The following DCC variants were observed in gnomAD, a reference collection of about 807,000 sequenced individuals.
The protein encoded by DCC is DCC netrin 1 receptor.
DCC carries 58 observed loss-of-function variants against 172.5 expected under a neutral mutation model. The observed-to-expected ratio is 0.34, with a 90% CI of 0.27 to 0.42. The LOEUF (loss-of-function observed/expected upper bound fraction) is 0.42, where lower values mean the gene tolerates loss of function less well. DCC is among the 10% of genes least tolerant of loss of function. The pLI, the probability that DCC is intolerant of heterozygous loss-of-function variation, is 1.00. For synonymous variants in DCC, 709 were observed against 644.5 expected (o/e 1.10, Z -1.52); for missense variants, 1,740 against 1,791.0 (o/e 0.97, Z 0.51).
At chr18:53,267,098 ACACTCT>A (rs2056684206) in intron 12 of DCC, among the ~76,000 whole-genome samples, 1 of 146,340 alleles carries the variant, frequency 6.8e-6, no homozygotes, top group Non-Finnish European at 1.5e-5. Context: ...ACACACACAC[ACACTCT>A]CTCTCTCACA....
At chr18:53,201,985 A>T (rs1253812432) in intron 9 of DCC, among the ~76,000 whole-genome samples, 1 of 152,190 alleles carries the variant, frequency 6.6e-6, no homozygotes, top group East Asian at 1.9e-4. Context: ...GTCATGAAAC[A>T]TATGTACTGT....
chr18:52,440,108 C>T (rs1987928758), intron 1 of DCC, among the ~76,000 whole-genome samples: 1 of 152,076 alleles, frequency 6.6e-6, no homozygotes, highest in Non-Finnish European at 1.5e-5. Context: ...TTGCTCTTTC[C>T]CATGTGCTGT....
chr18:53,407,528 G>GATATATAT (rs74180422), intron 19 of DCC, among the ~76,000 whole-genome samples: 11,361 of 116,940 alleles, frequency 0.097, 765 homozygotes, highest in East Asian at 0.26. Flanking sequence ...TTTTATTCTG[G>GATATATAT]ATATATATAT....
chr18:53,197,758 T>G (rs184891723), intron 9 of DCC, among the ~76,000 whole-genome samples: 6 of 152,190 alleles, frequency 3.9e-5, no homozygotes, highest in African/African-American at 1.4e-4. Context: ...AAAATCATAA[T>G]TTAGGTTTTG....
At chr18:53,473,359 C>T (rs1048797055) in intron 25 of DCC, among the ~76,000 whole-genome samples, 2 of 151,984 alleles carry the variant, frequency 1.3e-5, no homozygotes, top group Admixed American at 6.6e-5. Flanking sequence ...AAATATCTGT[C>T]GAATGAAAAA....
chr18:53,238,383 G>A (rs2056235345), intron 12 of DCC, among the ~76,000 whole-genome samples: 2 of 152,134 alleles, frequency 1.3e-5, no homozygotes, highest in Admixed American at 1.3e-4. Context: ...TGTTCACAAT[G>A]AGACATTAAT....
At chr18:52,415,450 A>T (rs1986988675) in intron 1 of DCC, among the ~76,000 whole-genome samples, 1 of 152,236 alleles carries the variant, frequency 6.6e-6, no homozygotes, top group Non-Finnish European at 1.5e-5. Context: ...CTAACGGTGC[A>T]TATACCAACA....
At chr18:52,902,232 G>T (rs1227237443) in intron 2 of DCC, among the ~76,000 whole-genome samples, 1 of 152,216 alleles carries the variant, frequency 6.6e-6, no homozygotes, top group African/African-American at 2.4e-5. Context: ...AAAACTCTTT[G>T]CCTGGTTTTG....
intron 1 of DCC, among the ~76,000 whole-genome samples, chr18:52,585,117 G>T (rs2033641579): frequency 6.6e-6 from 1 of 152,206 alleles, no homozygotes; most frequent in African/African-American, 2.4e-5. Context: ...AATGCTTAAA[G>T]AATGCATTGA....
chr18:52,691,113 G>T (rs980555714), intron 1 of DCC, among the ~76,000 whole-genome samples: 1 of 152,194 alleles, frequency 6.6e-6, no homozygotes, highest in African/African-American at 2.4e-5. Context: ...CCTGTAGGCA[G>T]ATATTTGAGG....
intron 1 of DCC, among the ~76,000 whole-genome samples, chr18:52,404,116 C>A (rs145175641): frequency 6.6e-6 from 1 of 151,866 alleles, no homozygotes; most frequent in Non-Finnish European, 1.5e-5. Context: ...CTAAAGACAG[C>A]GGTACAATGA....
chr18:52,728,541 A>G (rs1238913840), intron 1 of DCC, among the ~76,000 whole-genome samples: 1 of 152,222 alleles, frequency 6.6e-6, no homozygotes, highest in Non-Finnish European at 1.5e-5. Flanking sequence ...AGAGACAAGT[A>G]CAACCCATAT....
intron 2 of DCC, among the ~76,000 whole-genome samples, chr18:52,874,911 A>G (rs545613796): frequency 7.9e-5 from 12 of 152,280 alleles, no homozygotes; most frequent in African/African-American, 2.9e-4. Flanking sequence ...AAGGCAAGGC[A>G]GGGAAGGGTG....
intron 5 of DCC, among the ~76,000 whole-genome samples, chr18:53,060,296 AGT>A (rs1426728453): frequency 2.6e-5 from 4 of 152,136 alleles, no homozygotes; most frequent in African/African-American, 9.6e-5. Flanking sequence ...TGCTTCCCAA[AGT>A]GTGGCTGAGC....
At chr18:52,420,162 A>G (rs528862665) in intron 1 of DCC, among the ~76,000 whole-genome samples, 57 of 152,328 alleles carry the variant, frequency 3.7e-4, no homozygotes, top group African/African-American at 1.4e-3. Flanking sequence ...AAAACAAGGC[A>G]CCAAGATGGG....
intron 7 of DCC, among the ~76,000 whole-genome samples, chr18:53,090,781 T>C (rs1409235621): frequency 2.1e-5 from 3 of 143,286 alleles, no homozygotes; most frequent in Non-Finnish European, 3.0e-5. Flanking sequence ...AGCAGTTCAA[T>C]TGAGTTACAA....
chr18:53,235,376 A>T (rs1008243998), intron 12 of DCC, among the ~76,000 whole-genome samples: 4 of 152,146 alleles, frequency 2.6e-5, no homozygotes, highest in Non-Finnish European at 4.4e-5. Flanking sequence ...ATGACATGTG[A>T]TGCTTGGAAT....
chr18:52,385,685 G>A (rs1220617655), intron 1 of DCC, among the ~76,000 whole-genome samples: 3 of 151,984 alleles, frequency 2.0e-5, no homozygotes, highest in Non-Finnish European at 2.9e-5. Flanking sequence ...TTTTCAGGGA[G>A]GAATGTAAAT....
At chr18:52,411,705 A>C (rs1355106464) in intron 1 of DCC, among the ~76,000 whole-genome samples, 2 of 152,176 alleles carry the variant, frequency 1.3e-5, no homozygotes, top group African/African-American at 4.8e-5. Flanking sequence ...GTTCTTCCAC[A>C]TATTAGTCAA....
Sources: gnomAD v4.1 joint callset for allele counts (sites outside exome capture counted in the v4.1 genomes callset) on GRCh38, gnomAD v4.1.1 for gene constraint, MANE v1.5 for transcripts, NCBI Gene and HGNC (gene_info 2026-07-23, HGNC 2026-07-21) for gene names.